KCTD20: variants seen among roughly 807,000 people sequenced by gnomAD.
KCTD20 encodes potassium channel tetramerization domain containing 20, also known as BTB/POZ domain-containing protein KCTD20.
A neutral mutation model predicts 39.6 loss-of-function variants in KCTD20; 30 were observed. The observed-to-expected ratio is 0.76, with a 90% CI of 0.57 to 1.03. The LOEUF is 1.03. Among genes scored for constraint, KCTD20 ranks in the 50% least tolerant of loss-of-function variants. KCTD20 has a pLI of 0.00. For synonymous variants in KCTD20, 162 were observed against 180.6 expected, an observed-to-expected ratio of 0.90 and a Z score of 0.83; for missense variants, 422 against 522.0, an observed-to-expected ratio of 0.81 and a Z score of 1.87.
chr6:36,464,053 C>A (rs551178678), intron 1 of KCTD20, among the ~76,000 whole-genome samples: 1 of 152,222 alleles, frequency 6.6e-6, no homozygotes, highest in Non-Finnish European at 1.5e-5. Flanking sequence ...CCTTACAGAA[C>A]ATATAGAGAA....
At chr6:36,477,552 C>T (rs1303004706) in intron 3 of KCTD20, among the ~76,000 whole-genome samples, 1 of 149,408 alleles carries the variant, frequency 6.7e-6, no homozygotes, top group Non-Finnish European at 1.5e-5. Context: ...GCGATCTCAG[C>T]TCACTGCAAG....
At position 36,488,532 on chromosome 6, in the gene KCTD20, G is replaced by A. The variant is rs1456906090; in HGVS notation, c.*1357G>A. On this transcript the variant is annotated 3_prime_UTR_variant, in exon 8 of 8. Transcript: ENST00000373731. ...GTGGTAGAAGCTGACTGGAATACAG[G>A]TTGAGTATCTCTTATCCAAAATGCT... 1 of 152,192 alleles carries A rather than the reference G, an allele frequency of 6.6e-6. No homozygotes were observed. Among genetic ancestry groups the A allele is most frequent in the Non-Finnish European group, 1.5e-5 (1 of 68,030 alleles). 9.4% of individuals were successfully genotyped at this position (152,192 alleles called of 1,614,324 possible).
Position 36,479,115 on chromosome 6 carries a change from T to C in KCTD20, c.435-6T>C, listed in dbSNP as rs41272164. 1.3e-4 allele frequency: 206 copies of C among 1,580,556 alleles called. No homozygotes were observed. Among genetic ancestry groups the C allele is most frequent in the Non-Finnish European group, 1.6e-4 (189 of 1,150,540 alleles). On this transcript the variant is annotated splice_polypyrimidine_tract_variant and splice_region_variant and intron_variant, in intron 3 of 7. Transcript: ENST00000373731. Reference sequence around the variant, plus strand: ...AAGATAACATTATTGCCTGGATATCTTTCAGGATGTTTGGACCAGGAAGAG... The same window carrying C: ...AAGATAACATTATTGCCTGGATATCCTTCAGGATGTTTGGACCAGGAAGAG...
At position 36,486,906 on chromosome 6, in the gene KCTD20, A is replaced by G. The variant is rs755072571; in HGVS notation, c.991A>G (p.Ile331Val). The change falls in exon 8 of 8, where the codon ATT becomes GTT. Residue 331 changes from isoleucine (I) to valine (V), a missense_variant. By Grantham distance (29) the Ile-to-Val change is conservative (BLOSUM62 3). Coordinates refer to ENST00000373731, the MANE Select transcript of KCTD20 (RefSeq NM_173562.5). ...IEGYPTCKEKIKRRPGGRSEV... is the reference protein window; with the variant it reads ...IEGYPTCKEKVKRRPGGRSEV... ...AGGTTACCCTACCTGTAAAGAAAAA[A>G]TTAAGAGAAGGCCTGGCGGCCGGTC... is the stretch of plus-strand genomic sequence containing the variant. 6.8e-6 allele frequency: 11 copies of G among 1,612,792 alleles called. No homozygotes were observed. Among genetic ancestry groups the G allele is most frequent in the Non-Finnish European group, 7.6e-6 (9 of 1,179,612 alleles).
At chr6:36,453,292 G>A (rs1393033664) in intron 1 of KCTD20, among the ~76,000 whole-genome samples, 4 of 150,952 alleles carry the variant, frequency 2.6e-5, no homozygotes, top group African/African-American at 4.9e-5. Flanking sequence ...GATTACAGGC[G>A]TGAGCCACCA....
intron 2 of KCTD20, among the ~76,000 whole-genome samples, chr6:36,473,120 G>A (rs2127447004): frequency 1.3e-5 from 2 of 151,854 alleles, no homozygotes; most frequent in African/African-American, 4.8e-5. Context: ...GAGTGCAGTG[G>A]CGCGATCTCG....
rs755999513 is a variant in KCTD20, at chr6:36,479,705, G to T, written c.652G>T (p.Asp218Tyr). Residue 218 changes from aspartate (D) to tyrosine (Y), a missense_variant, in exon 5 of 8, where the codon GAT (aspartate) becomes TAT (tyrosine). By Grantham distance (160) the Asp-to-Tyr change is radical. Coordinates refer to ENST00000373731, the MANE Select transcript of KCTD20 (RefSeq NM_173562.5). ...TGACTTCAACACTATCCGATGTCAAGATCTGAGTAAGTACAGGAGCAGGTG... is the reference window on the plus strand; with the variant it reads ...TGACTTCAACACTATCCGATGTCAATATCTGAGTAAGTACAGGAGCAGGTG... The part of the protein sequence containing the change: ...NFDFNTIRCQ[D>Y]LSALLHELSN... 1.3e-6 allele frequency: 2 copies of T among 1,554,996 alleles called. No homozygotes were observed. Among genetic ancestry groups the T allele is most frequent in the Admixed American group, 1.7e-5 (1 of 58,016 alleles).
At chr6:36,479,004 A>T in intron 3 of KCTD20, 117 bp from the exon 4 acceptor site, 1 of 679,664 alleles carries the variant, frequency 1.5e-6, no homozygotes, top group South Asian at 1.9e-5. Flanking sequence ...CTGTGTTTTT[A>T]ATTTATACTA....
At chr6:36,446,680 C>T (rs1313090372) in intron 1 of KCTD20, among the ~76,000 whole-genome samples, 1 of 152,194 alleles carries the variant, frequency 6.6e-6, no homozygotes, top group Non-Finnish European at 1.5e-5. Flanking sequence ...CTACTAACCT[C>T]ATCCAATGTG....
intron 1 of KCTD20, among the ~76,000 whole-genome samples, chr6:36,464,253 A>G (rs966513054): frequency 6.6e-6 from 1 of 152,266 alleles, no homozygotes; most frequent in African/African-American, 2.4e-5. Flanking sequence ...AGGAAAAGAT[A>G]CACTAATATA....
At chr6:36,458,980 G>A (rs1775522034) in intron 1 of KCTD20, among the ~76,000 whole-genome samples, 1 of 151,762 alleles carries the variant, frequency 6.6e-6, no homozygotes, top group African/African-American at 2.4e-5. Flanking sequence ...CTATACTAAT[G>A]AGGAAAAAAA....
rs1003250 is a variant in KCTD20, at chr6:36,469,635, T to C, written c.-46-417T>C. 0.6 allele frequency among the ~76,000 whole-genome samples: 91,022 copies of C among 152,020 alleles called. 28,167 individuals carry two copies. The highest frequency in any genetic ancestry group is 0.71 in the Middle Eastern group (210 of 294). On this transcript the variant is annotated intron_variant, in intron 1 of 7. Coordinates refer to ENST00000373731, the MANE Select transcript of KCTD20 (RefSeq NM_173562.5). The surrounding 1 kb of genome is among the most constrained non-coding windows in gnomAD (Gnocchi z 4.6). Reference sequence around the variant, plus strand: ...TTGTGATTGTTTTTTAATTTCCTGGTGCTTAATTGTTGCAACAGTGTATGT... The same window carrying C: ...TTGTGATTGTTTTTTAATTTCCTGGCGCTTAATTGTTGCAACAGTGTATGT...
chr6:36,463,814 C>T (rs1775667221), intron 1 of KCTD20, among the ~76,000 whole-genome samples: 1 of 152,128 alleles, frequency 6.6e-6, no homozygotes, highest in African/African-American at 2.4e-5. Context: ...CAGTCTCAGG[C>T]ATTTTGTTTA....
intron 2 of KCTD20, among the ~76,000 whole-genome samples, chr6:36,473,947 G>T (rs1775986538): frequency 6.6e-6 from 1 of 152,164 alleles, no homozygotes; most frequent in African/African-American, 2.4e-5. Context: ...TAGTGTAGGT[G>T]ATGTTAGGAT....
Position 36,479,575 on chromosome 6 carries a change from C to G in KCTD20, c.538-16C>G. On this transcript the variant is annotated splice_polypyrimidine_tract_variant and intron_variant, in intron 4 of 7. Coordinates refer to ENST00000373731, the MANE Select transcript of KCTD20 (RefSeq NM_173562.5). ...TTGTTCTCTGCCTACATTTTTTCTTCCTAATCTATTTACAGGATTATTACA... is the reference window on the plus strand; with the variant it reads ...TTGTTCTCTGCCTACATTTTTTCTTGCTAATCTATTTACAGGATTATTACA... 6.3e-7 allele frequency: 1 copy of G among 1,595,420 alleles called. No individual in the cohort carries two copies. The highest frequency in any genetic ancestry group is 8.5e-7 in the Non-Finnish European group (1 of 1,174,774).
At chr6:36,479,016 G>T (rs1776154663) in intron 3 of KCTD20, 105 bp from the exon 4 acceptor site, 4 of 742,316 alleles carry the variant, frequency 5.4e-6, no homozygotes, top group Non-Finnish European at 7.0e-6. Flanking sequence ...TTTATACTAT[G>T]AGAGAGTGGG....
chr6:36,444,748 T>C (rs1268722420), intron 1 of KCTD20, among the ~76,000 whole-genome samples: 1 of 152,216 alleles, frequency 6.6e-6, no homozygotes, highest in Non-Finnish European at 1.5e-5. Flanking sequence ...CATTGCAATA[T>C]AGACACATAT....
chr6:36,463,568 C>T (rs1775660755), intron 1 of KCTD20, among the ~76,000 whole-genome samples: 1 of 152,148 alleles, frequency 6.6e-6, no homozygotes, highest in African/African-American at 2.4e-5. Flanking sequence ...GGAACTTAAA[C>T]CCCCAAGGTG....
chr6:36,483,221 A>C (rs1776309416), intron 6 of KCTD20, among the ~76,000 whole-genome samples: 1 of 149,240 alleles, frequency 6.7e-6, no homozygotes, highest in Non-Finnish European at 1.5e-5. Flanking sequence ...ACAATACATG[A>C]CAGGTTTGTT....
Sources: allele counts gnomAD v4.1 joint callset (sites outside exome capture counted in the v4.1 genomes callset), GRCh38; gene constraint gnomAD v4.1.1; non-coding constraint Gnocchi (gnomAD v3.1); transcripts MANE v1.5; gene names NCBI Gene and HGNC (gene_info 2026-07-23, HGNC 2026-07-21).